HAPSTR1: variants seen among roughly 807,000 people sequenced by gnomAD.
HAPSTR1 encodes the protein HUWE1 associated protein modifying stress responses.
chr16:9,092,904 T>C, the HAPSTR1 span: 2 of 1,557,668 alleles, frequency 1.3e-6, no homozygotes, highest in Non-Finnish European at 1.7e-6. Context: ...TTTTTTTTTT[T>C]TTGGCTTGCT....
At chr16:9,103,224 A>G in the HAPSTR1 span, 1 of 1,614,070 alleles carries the variant, frequency 6.2e-7, no homozygotes, top group Non-Finnish European at 8.5e-7. Context: ...GTAGAGACTG[A>G]TTTGCAACCC....
chr16:9,093,033 G>T, the HAPSTR1 span: 2 of 1,580,362 alleles, frequency 1.3e-6, no homozygotes, highest in South Asian at 2.3e-5. Flanking sequence ...TGCCGATTCA[G>T]GGAAGGGCCG....
At chr16:9,104,881 C>G in the HAPSTR1 span, 1 of 152,186 alleles carries the variant, frequency 6.6e-6, no homozygotes, top group Admixed American at 6.5e-5. Context: ...ATGCAGTTGT[C>G]TCTCCTTAAG....
the HAPSTR1 span, among the ~76,000 whole-genome samples, chr16:9,100,997 AT>A: frequency 6.6e-6 from 1 of 152,178 alleles, no homozygotes; most frequent in South Asian, 2.1e-4. Context: ...AAACTTCTTC[AT>A]TTACAAGCTT....
the HAPSTR1 span, among the ~76,000 whole-genome samples, chr16:9,100,863 T>G: frequency 6.6e-6 from 1 of 152,218 alleles, no homozygotes; most frequent in Non-Finnish European, 1.5e-5. Context: ...CAAGCCTGCT[T>G]CAGACTTGTT....
the HAPSTR1 span, among the ~76,000 whole-genome samples, chr16:9,099,361 C>T: frequency 2.0e-5 from 3 of 151,998 alleles, no homozygotes; most frequent in Non-Finnish European, 2.9e-5. Context: ...CCATGCCTGG[C>T]TAATTTTTAT....
At chr16:9,114,923 A>G in the HAPSTR1 span, among the ~76,000 whole-genome samples, 14 of 152,152 alleles carry the variant, frequency 9.2e-5, no homozygotes, top group African/African-American at 3.1e-4. Flanking sequence ...TCTATTTTTT[A>G]ATAGGTGCTA....
the HAPSTR1 span, chr16:9,108,304 ATTT>A: frequency 6.6e-6 from 1 of 151,650 alleles, no homozygotes; most frequent in African/African-American, 2.4e-5. Context: ...CAAAATGCAA[ATTT>A]TTTTTTAATT....
At chr16:9,092,516 C>T in the HAPSTR1 span, among the ~76,000 whole-genome samples, 1 of 152,046 alleles carries the variant, frequency 6.6e-6, no homozygotes, top group Admixed American at 6.5e-5. Context: ...TCCGAGGGTC[C>T]CCGCTCTCCG....
At chr16:9,093,256 C>T in the HAPSTR1 span, among the ~76,000 whole-genome samples, 2 of 152,124 alleles carry the variant, frequency 1.3e-5, no homozygotes, top group Non-Finnish European at 2.9e-5. Context: ...TGTTGTTGGG[C>T]ACCCAGTGTA....
the HAPSTR1 span, among the ~76,000 whole-genome samples, chr16:9,102,406 T>G: frequency 2.0e-5 from 3 of 152,268 alleles, no homozygotes; most frequent in Admixed American, 1.3e-4. Flanking sequence ...TGGGAATGGT[T>G]GAGTTACAGG....
chr16:9,100,019 G>T, the HAPSTR1 span, among the ~76,000 whole-genome samples: 1 of 152,192 alleles, frequency 6.6e-6, no homozygotes, highest in Non-Finnish European at 1.5e-5. Context: ...AATATATACT[G>T]TTAACAGTAC....
the HAPSTR1 span, among the ~76,000 whole-genome samples, chr16:9,098,869 T>G: frequency 6.6e-6 from 1 of 152,202 alleles, no homozygotes; most frequent in East Asian, 1.9e-4. Flanking sequence ...ACTCTGTCAA[T>G]GAACTTTGGA....
chr16:9,093,089 C>T, the HAPSTR1 span: 11 of 1,290,586 alleles, frequency 8.5e-6, no homozygotes, highest in South Asian at 1.0e-4. Context: ...GTTTTCTGCT[C>T]CCCAGCCCAG....
the HAPSTR1 span, chr16:9,109,565 C>G: frequency 6.6e-6 from 1 of 152,160 alleles, no homozygotes; most frequent in Non-Finnish European, 1.5e-5. Context: ...AGTTGTCTCT[C>G]TGTAAAGTTA....
chr16:9,097,820 C>G, the HAPSTR1 span, among the ~76,000 whole-genome samples: 1 of 152,234 alleles, frequency 6.6e-6, no homozygotes, highest in East Asian at 1.9e-4. Context: ...CTTCTGTCAT[C>G]TCTTGGCCAT....
At chr16:9,120,673 C>CTTTTTTTT in the HAPSTR1 span, 37 of 100,616 alleles carry the variant, frequency 3.7e-4, no homozygotes, top group African/African-American at 1.0e-3. Context: ...ATGGTGAAAT[C>CTTTTTTTT]TTTTTTTTTT....
chr16:9,091,703 AGCG>A, the HAPSTR1 span: 11 of 399,774 alleles, frequency 2.8e-5, no homozygotes, highest in Non-Finnish European at 4.0e-5. Context: ...CTCGGCGATC[AGCG>A]GCGGCGGCGG....
chr16:9,102,984 A>C, the HAPSTR1 span: 1 of 1,611,842 alleles, frequency 6.2e-7, no homozygotes, highest in Non-Finnish European at 8.5e-7. Context: ...TTTCTAACAG[A>C]AAGCGTGGAT....
Sources: allele counts gnomAD v4.1 joint callset (sites outside exome capture counted in the v4.1 genomes callset), GRCh38; gene constraint gnomAD v4.1.1; transcripts MANE v1.5; gene names NCBI Gene and HGNC (gene_info 2026-07-23, HGNC 2026-07-21).